The following KAZN variants were observed in gnomAD, a reference collection of about 807,000 sequenced individuals.
The protein encoded by KAZN is kazrin.
In KAZN, 40 loss-of-function variants were observed where a neutral mutation model predicts 87.4. The ratio of observed to expected loss-of-function variants is 0.46; its 90% CI spans 0.36 to 0.60. The LOEUF is 0.60. Ranked by LOEUF, KAZN falls within the 20% of genes least tolerant of loss-of-function variation. The pLI, the probability that KAZN is intolerant of heterozygous loss-of-function variation, is 0.00. For missense variants in KAZN, 898 were observed against 1,073.9 expected, an observed-to-expected ratio of 0.84 and a Z score of 2.29; for synonymous variants, 466 against 458.3, an observed-to-expected ratio of 1.02 and a Z score of -0.22.
chr1:15,096,546 C>A lies in KAZN; in HGVS notation c.1547+1613C>A. Among the ~76,000 whole-genome samples, 1 of 152,200 alleles carries A rather than the reference C, an allele frequency of 6.6e-6. No individual in the cohort carries two copies. The highest frequency in any genetic ancestry group is 6.5e-5 in the Admixed American group (1 of 15,286). On this transcript the variant is annotated intron_variant, in intron 10 of 14. Coordinates refer to ENST00000376030, the MANE Select transcript of KAZN (RefSeq NM_201628.3). This position sits in a 1 kb window ranked among gnomAD's most constrained non-coding sequence, Gnocchi z 4.5. ...AGCCCCTAAATGGGGCTGTCTTAGT[C>A]TGCTTGGGCTGCCATAACAAAATGA... is the stretch of plus-strand genomic sequence containing the variant.
intron 2 of KAZN, among the ~76,000 whole-genome samples, chr1:14,256,530 G>T (rs1650527557): frequency 6.6e-6 from 1 of 152,032 alleles, no homozygotes; most frequent in African/African-American, 2.4e-5. Flanking sequence ...GGAGGCAAGA[G>T]AGTACCCTGT....
rs557937200 is a variant in KAZN at position 14,815,396 on chromosome 1, C to T, written c.227-145288C>T. Among the ~76,000 whole-genome samples the T allele has an allele frequency of 3.9e-5, 6 of 152,224 alleles. No homozygotes were observed. In the South Asian group the frequency reaches 1.2e-3, roughly 32 times the overall value. ...ATAAACACTAGACTTAAGCACTTGG[C>T]CCAGCTTCCAGTGCAGCGTCACCTG... On this transcript the variant is annotated intron_variant, in intron 1 of 14. Transcript: ENST00000376030.
At chr1:14,169,506 G>A (rs767562102) in intron 1 of KAZN, among the ~76,000 whole-genome samples, 1 of 152,172 alleles carries the variant, frequency 6.6e-6, no homozygotes, top group South Asian at 2.1e-4. Context: ...GGAGTGGAGT[G>A]AAGAGGGTGC....
At chr1:14,137,422 A>C (rs1645131933) in intron 1 of KAZN, among the ~76,000 whole-genome samples, 1 of 152,184 alleles carries the variant, frequency 6.6e-6, no homozygotes, top group Non-Finnish European at 1.5e-5. Context: ...CAGAGATTTC[A>C]GGCTGGCTGG....
intron 1 of KAZN, among the ~76,000 whole-genome samples, chr1:13,959,326 A>T (rs1641667126): frequency 6.6e-6 from 1 of 152,196 alleles, no homozygotes; most frequent in Admixed American, 6.5e-5. Context: ...CAGTGTACAG[A>T]ATCTCTATTG....
intron 1 of KAZN, among the ~76,000 whole-genome samples, chr1:14,622,418 T>C (rs1053417679): frequency 4.6e-5 from 7 of 152,112 alleles, no homozygotes; most frequent in African/African-American, 1.4e-4. Flanking sequence ...AGGCCAGGCG[T>C]GGTGGCTCAT....
intron 1 of KAZN, among the ~76,000 whole-genome samples, chr1:14,639,249 G>A (rs1680242815): frequency 6.6e-6 from 1 of 152,082 alleles, no homozygotes; most frequent in African/African-American, 2.4e-5. Context: ...CCTCCCATTT[G>A]GACCTCCCAT....
chr1:14,987,814 C>T (rs1190084038), intron 2 of KAZN, among the ~76,000 whole-genome samples: 1 of 152,176 alleles, frequency 6.6e-6, no homozygotes, highest in Non-Finnish European at 1.5e-5. Flanking sequence ...CTAGCTGCTG[C>T]ATTGAGAATA....
intron 2 of KAZN, among the ~76,000 whole-genome samples, chr1:15,015,130 C>A (rs1483958457): frequency 6.8e-6 from 1 of 147,376 alleles, no homozygotes; most frequent in Admixed American, 6.7e-5. Context: ...GAAGTTTTTT[C>A]TTTTTATTTA....
chr1:14,526,160 C>T, intron 2 of KAZN, among the ~76,000 whole-genome samples: 1 of 152,194 alleles, frequency 6.6e-6, no homozygotes, highest in East Asian at 1.9e-4. Flanking sequence ...GCTTTGAAGC[C>T]CTCCTCATTG....
chr1:14,918,707 A>AAATAT (rs1658159619), intron 1 of KAZN, among the ~76,000 whole-genome samples: 1 of 24,686 alleles, frequency 4.1e-5, no homozygotes. Flanking sequence ...AAAAAAAAAA[A>AAATAT]ATATATATAT....
At chr1:14,553,373 T>C (rs967585573) in intron 2 of KAZN, among the ~76,000 whole-genome samples, 2 of 152,078 alleles carry the variant, frequency 1.3e-5, no homozygotes, top group East Asian at 1.9e-4. Flanking sequence ...AACACATATA[T>C]AGATTTTGAT....
chr1:14,088,216 G>A (rs1300930660), intron 1 of KAZN, among the ~76,000 whole-genome samples: 1 of 151,596 alleles, frequency 6.6e-6, no homozygotes, highest in African/African-American at 2.4e-5. Context: ...GTTTCTTAAA[G>A]CGTAAGCTAA....
intron 2 of KAZN, among the ~76,000 whole-genome samples, chr1:14,593,188 A>C (rs1676303569): frequency 6.6e-6 from 1 of 152,248 alleles, no homozygotes; most frequent in African/African-American, 2.4e-5. Context: ...TTGCAAAATT[A>C]AGATGTGACT....
At chr1:15,098,616 G>A (rs1249961460) in intron 10 of KAZN, among the ~76,000 whole-genome samples, 1 of 152,218 alleles carries the variant, frequency 6.6e-6, no homozygotes, top group South Asian at 2.1e-4. Flanking sequence ...TGATTCAGAG[G>A]GCTGTGGGCT....
chr1:14,717,953 T>C (rs1642887431), intron 1 of KAZN, among the ~76,000 whole-genome samples: 1 of 152,200 alleles, frequency 6.6e-6, no homozygotes, highest in Non-Finnish European at 1.5e-5. Flanking sequence ...TGGTTCAGAA[T>C]ACAAGGAGAA....
At chr1:15,034,675 G>A in intron 2 of KAZN, 74 bp from the exon 3 acceptor site, 6 of 1,562,628 alleles carry the variant, frequency 3.8e-6, no homozygotes, top group Non-Finnish European at 5.2e-6. Context: ...CGGCGGTGAT[G>A]CCACTTCTCA....
At chr1:14,423,168 G>C (rs1450588097) in intron 2 of KAZN, among the ~76,000 whole-genome samples, 5 of 152,166 alleles carry the variant, frequency 3.3e-5, no homozygotes, top group Non-Finnish European at 7.4e-5. Flanking sequence ...CAGAATTTGA[G>C]AAACATTGTC....
chr1:13,914,848 A>G (rs529510010), intron 1 of KAZN, among the ~76,000 whole-genome samples: 2 of 152,326 alleles, frequency 1.3e-5, no homozygotes, highest in South Asian at 2.1e-4. Context: ...CTGCAAGGAA[A>G]TAAGTCTTGC....
Sources: gnomAD v4.1 joint callset for allele counts (sites outside exome capture counted in the v4.1 genomes callset) on GRCh38, gnomAD v4.1.1 for gene constraint, Gnocchi (gnomAD v3.1) non-coding constraint, MANE v1.5 for transcripts, NCBI Gene and HGNC (gene_info 2026-07-23, HGNC 2026-07-21) for gene names.